KLF12: variants seen among roughly 807,000 people sequenced by gnomAD.
The protein encoded by KLF12 is Krueppel-like factor 12.
In KLF12, 9 loss-of-function variants were observed where a neutral mutation model predicts 37.8. The ratio of observed to expected loss-of-function variants is 0.24; its 90% CI spans 0.14 to 0.42. KLF12 has a LOEUF of 0.42. KLF12 is among the 10% of genes least tolerant of loss of function. The pLI is 1.00. For synonymous variants in KLF12, 208 were observed against 202.1 expected, an observed-to-expected ratio of 1.03 and a Z score of -0.25; for missense variants, 411 against 516.0, an observed-to-expected ratio of 0.80 and a Z score of 1.97.
the KLF12 span, among the ~76,000 whole-genome samples, chr13:74,285,788 A>G: frequency 6.6e-6 from 1 of 152,204 alleles, no homozygotes; most frequent in African/African-American, 2.4e-5. Context: ...TAAATATTTT[A>G]TTGAGATTGC....
In KLF12 at chr13:73,916,962, C is replaced by T. The variant is rs563028204; in HGVS notation, c.123+27019G>A. On this transcript the variant is annotated intron_variant, in intron 3 of 7. Transcript: ENST00000377669. ...TATTCAAAGCAGTAAATGGTGTCAG[C>T]GGTTATTTTGAAGGTAGGGACATGC... 3.7e-4 allele frequency among the ~76,000 whole-genome samples: 57 copies of T among 152,212 alleles called. 1 individual carries two copies. Among genetic ancestry groups the T allele is most frequent in the African/African-American group, 1.3e-3 (52 of 41,516 alleles).
the KLF12 span, among the ~76,000 whole-genome samples, chr13:74,205,362 C>T: frequency 2.0e-5 from 3 of 152,146 alleles, no homozygotes; most frequent in East Asian, 5.8e-4. Context: ...ACTTATTCTC[C>T]CAAGACAACT....
At chr13:73,716,945 T>C (rs1429813733) in intron 6 of KLF12, among the ~76,000 whole-genome samples, 1 of 152,178 alleles carries the variant, frequency 6.6e-6, no homozygotes, top group Non-Finnish European at 1.5e-5. Context: ...CTTTTTTTAT[T>C]AGTGGTACAT....
the KLF12 span, among the ~76,000 whole-genome samples, chr13:74,159,727 G>A: frequency 6.6e-6 from 1 of 151,974 alleles, no homozygotes. Flanking sequence ...CTATCAAAAA[G>A]TTCTTTTTCA....
chr13:73,992,918 T>A (rs774872062), intron 2 of KLF12, among the ~76,000 whole-genome samples: 1 of 152,174 alleles, frequency 6.6e-6, no homozygotes, highest in African/African-American at 2.4e-5. Context: ...ATAAAATGTA[T>A]GAAAAATCAT....
chr13:73,973,710 A>C (rs1020430213), intron 2 of KLF12, among the ~76,000 whole-genome samples: 23 of 152,172 alleles, frequency 1.5e-4, no homozygotes, highest in Non-Finnish European at 5.9e-5. Context: ...AACATAGCAC[A>C]GGACAAAAAG....
At chr13:74,304,529 T>A in the KLF12 span, among the ~76,000 whole-genome samples, 1 of 152,164 alleles carries the variant, frequency 6.6e-6, no homozygotes, top group Non-Finnish European at 1.5e-5. Flanking sequence ...TATGTTTATA[T>A]TATGCTAATA....
chr13:74,002,055 G>A (rs956199038), intron 1 of KLF12, among the ~76,000 whole-genome samples: 3 of 152,212 alleles, frequency 2.0e-5, no homozygotes, highest in Non-Finnish European at 1.5e-5. Context: ...TAGTGGTCCA[G>A]AAATGAGACA....
chr13:73,746,772 A>T (rs183866253), intron 6 of KLF12, among the ~76,000 whole-genome samples: 2 of 150,574 alleles, frequency 1.3e-5, no homozygotes, highest in African/African-American at 4.9e-5. Context: ...TAGAAGAATT[A>T]GCATATTTCA....
chr13:74,096,969 A>G (rs1157881017), intron 1 of KLF12, among the ~76,000 whole-genome samples: 1 of 152,194 alleles, frequency 6.6e-6, no homozygotes, highest in African/African-American at 2.4e-5. Context: ...CAGGTCAGAC[A>G]CTTCCAAGTT....
intron 1 of KLF12, among the ~76,000 whole-genome samples, chr13:74,032,983 G>A (rs748533316): frequency 3.3e-5 from 5 of 151,894 alleles, no homozygotes; most frequent in Admixed American, 1.3e-4. Context: ...CTCCACAAAC[G>A]TCACTTACTA....
chr13:74,070,130 G>A (rs1215383575), intron 1 of KLF12, among the ~76,000 whole-genome samples: 1 of 152,176 alleles, frequency 6.6e-6, no homozygotes, highest in East Asian at 1.9e-4. Context: ...TCTTTCAAAT[G>A]CCAAATTTAG....
intron 2 of KLF12, among the ~76,000 whole-genome samples, chr13:73,983,067 T>A (rs578001715): frequency 6.6e-6 from 1 of 152,248 alleles, no homozygotes; most frequent in Admixed American, 6.5e-5. Flanking sequence ...ATTGAAAAGA[T>A]CTCTATAAGG....
chr13:73,709,636 TTGAC>T (rs1408759796), intron 7 of KLF12, among the ~76,000 whole-genome samples: 91 of 152,340 alleles, frequency 6.0e-4, no homozygotes, highest in African/African-American at 2.0e-3. Context: ...ATAATGTTAT[TTGAC>T]TGATAATAGT....
chr13:73,818,323 G>A (rs372088525), intron 4 of KLF12, among the ~76,000 whole-genome samples: 2 of 152,182 alleles, frequency 1.3e-5, no homozygotes, highest in East Asian at 3.9e-4. Flanking sequence ...CACTTTTTCA[G>A]CTCTTCTCCT....
intron 4 of KLF12, among the ~76,000 whole-genome samples, chr13:73,827,638 C>T (rs1293391199): frequency 6.6e-6 from 1 of 152,222 alleles, no homozygotes; most frequent in Non-Finnish European, 1.5e-5. Flanking sequence ...TCTTGGCTCA[C>T]TGCCACCCCT....
chr13:74,019,043 A>T (rs1315436562), intron 1 of KLF12, among the ~76,000 whole-genome samples: 3 of 152,186 alleles, frequency 2.0e-5, no homozygotes, highest in African/African-American at 4.8e-5. Context: ...AGGGGAAAAA[A>T]TTTGTTTTAA....
At chr13:73,822,742 A>G (rs981176353) in intron 4 of KLF12, among the ~76,000 whole-genome samples, 2 of 152,206 alleles carry the variant, frequency 1.3e-5, no homozygotes, top group African/African-American at 4.8e-5. Flanking sequence ...TTAGAGCATA[A>G]AAGGCTTTTG....
chr13:73,713,139 A>T (rs140399085), intron 7 of KLF12, among the ~76,000 whole-genome samples: 1 of 152,294 alleles, frequency 6.6e-6, no homozygotes, highest in Non-Finnish European at 1.5e-5. Context: ...TTTGATTTGG[A>T]GAATTAAGAT....
Sources: gnomAD v4.1 joint callset for allele counts (sites outside exome capture counted in the v4.1 genomes callset) on GRCh38, gnomAD v4.1.1 for gene constraint, MANE v1.5 for transcripts, NCBI Gene and HGNC (gene_info 2026-07-23, HGNC 2026-07-21) for gene names.